RNLS: variants seen among roughly 807,000 people sequenced by gnomAD.
RNLS encodes renalase, FAD dependent amine oxidase.
Under a neutral mutation model 39.8 loss-of-function variants are expected in RNLS, and 39 were observed. The observed-to-expected ratio is 0.98, with a 90% CI of 0.76 to 1.28. The LOEUF is 1.28. Among genes scored for constraint, RNLS ranks in the 50% most tolerant of loss-of-function variants. RNLS has a pLI of 0.00. For synonymous variants in RNLS, 147 were observed against 150.7 expected (o/e 0.98, Z 0.18); for missense variants, 410 against 413.3 (o/e 0.99, Z 0.07).
At chr10:88,308,136 A>T (rs1845066352) in intron 6 of RNLS, among the ~76,000 whole-genome samples, 1 of 152,228 alleles carries the variant, frequency 6.6e-6, no homozygotes, top group Non-Finnish European at 1.5e-5. Flanking sequence ...CTCAAAATGA[A>T]TTAAGGACTT....
chr10:88,172,842 GTTTTTTTT>G, the RNLS span, among the ~76,000 whole-genome samples: 396 of 43,722 alleles, frequency 9.1e-3, 4 homozygotes, highest in African/African-American at 0.034. Flanking sequence ...ATTTTGAGTT[GTTTTTTTT>G]TTTTTTTTTT....
chr10:88,557,809 T>A (rs553443852), intron 4 of RNLS, among the ~76,000 whole-genome samples: 4 of 152,308 alleles, frequency 2.6e-5, no homozygotes, highest in African/African-American at 9.6e-5. Flanking sequence ...CCAGCTCAGA[T>A]GGGGAAAAGT....
chr10:88,283,015 G>T (rs187609426), downstream of RNLS, among the ~76,000 whole-genome samples: 16 of 152,270 alleles, frequency 1.1e-4, no homozygotes, highest in Non-Finnish European at 7.4e-5. Flanking sequence ...CTGTGATGAT[G>T]TGTGGCCCCG....
chr10:88,538,594 T>C (rs1402921151), intron 4 of RNLS, among the ~76,000 whole-genome samples: 1 of 152,180 alleles, frequency 6.6e-6, no homozygotes, highest in Non-Finnish European at 1.5e-5. Context: ...TTTATTTTTC[T>C]TTTCTTAGTA....
Position 88,519,702 on chromosome 10 carries a change from C to CTGATATATATCACATATATA in RNLS, c.526+53181_526+53200dup, listed in dbSNP as rs572338693. 2.8e-3 allele frequency among the ~76,000 whole-genome samples: 408 copies of CTGATATATATCACATATATA among 148,148 alleles called. 2 individuals carry two copies. The highest frequency in any genetic ancestry group is 8.2e-3 in the African/African-American group (332 of 40,436). On this transcript the variant is annotated intron_variant, in intron 4 of 6. Transcript: ENST00000331772. ...CACTGCCAGCTACATAGATATATAT[C>CTGATATATATCACATATATA]TGATATATATCACATATATATGATA...
rs187349550 is a variant in RNLS, at chr10:88,326,460, T to C, written c.701-11819A>G. Among the ~76,000 whole-genome samples, 569 of 152,314 alleles carry C rather than the reference T, an allele frequency of 3.7e-3. 17 individuals are homozygous for C. Among genetic ancestry groups the C allele is most frequent in the Admixed American group, 0.034 (516 of 15,302 alleles). ...TCCCTGCCCTAGAGATGTGTGGAAC[T>C]TTGAACTTGAGAGAGATGACTTAAG... On this transcript the variant is annotated intron_variant, in intron 5 of 6. Transcript: ENST00000331772.
intron 4 of RNLS, among the ~76,000 whole-genome samples, chr10:88,504,687 A>G (rs555869656): frequency 6.6e-6 from 1 of 152,288 alleles, no homozygotes; most frequent in East Asian, 1.9e-4. Flanking sequence ...TCTTGCATTC[A>G]GCACTCAGAC....
At chr10:88,480,272 G>A (rs1302721715) in intron 4 of RNLS, among the ~76,000 whole-genome samples, 1 of 152,220 alleles carries the variant, frequency 6.6e-6, no homozygotes, top group Non-Finnish European at 1.5e-5. Context: ...GCTTTAGGCT[G>A]AATTTGAGAG....
the RNLS span, among the ~76,000 whole-genome samples, chr10:88,175,746 T>C: frequency 6.6e-5 from 10 of 152,190 alleles, no homozygotes; most frequent in African/African-American, 2.4e-4. Context: ...TCTGTAAAGG[T>C]CTGTTTGGTC....
the RNLS span, among the ~76,000 whole-genome samples, chr10:88,238,672 C>T: frequency 6.6e-6 from 1 of 152,150 alleles, no homozygotes; most frequent in East Asian, 1.9e-4. Flanking sequence ...GAGTTTGGCT[C>T]ATTAGGAAGG....
At chr10:88,179,003 T>C in the RNLS span, among the ~76,000 whole-genome samples, 3 of 152,112 alleles carry the variant, frequency 2.0e-5, no homozygotes. Context: ...ATATTAACAA[T>C]GTCAAACAGA....
intron 4 of RNLS, among the ~76,000 whole-genome samples, chr10:88,393,662 T>G (rs1423392238): frequency 6.6e-6 from 1 of 152,106 alleles, no homozygotes; most frequent in Non-Finnish European, 1.5e-5. Context: ...AAGCTACCAA[T>G]GACTTTCTTC....
the RNLS span, among the ~76,000 whole-genome samples, chr10:88,241,870 A>T: frequency 7.2e-5 from 11 of 152,138 alleles, no homozygotes; most frequent in Middle Eastern, 3.2e-3. Context: ...TATTTGGTCA[A>T]AATCTTTAAA....
chr10:88,199,881 C>A, the RNLS span, among the ~76,000 whole-genome samples: 1 of 152,172 alleles, frequency 6.6e-6, no homozygotes, highest in African/African-American at 2.4e-5. Flanking sequence ...GTAATCCCAG[C>A]ATTTTGGGAA....
intron 4 of RNLS, among the ~76,000 whole-genome samples, chr10:88,467,061 G>T (rs1454154917): frequency 6.6e-6 from 1 of 151,970 alleles, no homozygotes; most frequent in Non-Finnish European, 1.5e-5. Context: ...ACTCCAGTAG[G>T]GTACAATTTT....
At position 88,284,377 on chromosome 10, in the gene RNLS, G is replaced by A; in HGVS notation, c.*977C>T. 1.0e-6 allele frequency: 1 copy of A among 985,394 alleles called. No homozygotes were observed. Among genetic ancestry groups the A allele is most frequent in the African/African-American group, 1.7e-5 (1 of 57,354 alleles). 61.0% of individuals were successfully genotyped at this position (985,394 alleles called of 1,614,324 possible). A position where few individuals can be genotyped will look rare whatever the true frequency, so the allele number is the denominator to read the frequency against. On this transcript the variant is annotated 3_prime_UTR_variant, in exon 7 of 7. Coordinates refer to ENST00000331772, the MANE Select transcript of RNLS (RefSeq NM_001031709.3). ...CATTTTGCTTTTCAAATTAGCAACA[G>A]GTAGCTGGTTTGGAAGGCTGGAGAT...
chr10:88,536,896 TTGTC>T (rs1847790552), intron 4 of RNLS, among the ~76,000 whole-genome samples: 1 of 152,218 alleles, frequency 6.6e-6, no homozygotes, highest in Non-Finnish European at 1.5e-5. Flanking sequence ...TATATGTTGA[TTGTC>T]TGTCTTCCAC....
intron 5 of RNLS, among the ~76,000 whole-genome samples, chr10:88,326,840 C>T (rs1846654240): frequency 6.6e-6 from 1 of 152,188 alleles, no homozygotes; most frequent in Non-Finnish European, 1.5e-5. Flanking sequence ...TGCAAAACCA[C>T]AAGGGTAGAG....
At chr10:88,486,099 T>C (rs1206244213) in intron 4 of RNLS, among the ~76,000 whole-genome samples, 2 of 152,054 alleles carry the variant, frequency 1.3e-5, no homozygotes, top group Admixed American at 6.6e-5. Flanking sequence ...ATCTAGACTA[T>C]GTCAAAAACA....
Sources: allele counts gnomAD v4.1 joint callset (sites outside exome capture counted in the v4.1 genomes callset), GRCh38; gene constraint gnomAD v4.1.1; transcripts MANE v1.5; gene names NCBI Gene and HGNC (gene_info 2026-07-23, HGNC 2026-07-21).